NDST3: variants seen among roughly 807,000 people sequenced by gnomAD.
NDST3 encodes the protein bifunctional heparan sulfate N-deacetylase/N-sulfotransferase 3.
NDST3 carries 58 observed loss-of-function variants against 96.1 expected under a neutral mutation model. That is an observed-to-expected ratio of 0.60 (90% CI 0.49 to 0.75). The LOEUF is 0.75. NDST3 is among the 30% of genes least tolerant of loss of function. NDST3 has a pLI of 0.00. For missense variants in NDST3, 788 were observed against 1,034.2 expected, an observed-to-expected ratio of 0.76 and a Z score of 3.27; for synonymous variants, 333 against 359.7, an observed-to-expected ratio of 0.93 and a Z score of 0.84.
intron 8 of NDST3, among the ~76,000 whole-genome samples, chr4:118,232,450 T>C (rs1392011982): frequency 6.6e-6 from 1 of 151,536 alleles, no homozygotes; most frequent in East Asian, 1.9e-4. Context: ...AGCAACACAG[T>C]GAGACCTCAT....
At chr4:118,144,370 C>T (rs1033711759) in intron 6 of NDST3, among the ~76,000 whole-genome samples, 3 of 151,982 alleles carry the variant, frequency 2.0e-5, no homozygotes, top group Admixed American at 1.3e-4. Flanking sequence ...TTAGTGGAGA[C>T]GAGGCTTCAC....
chr4:118,165,749 T>C (rs1268812888), intron 6 of NDST3, among the ~76,000 whole-genome samples: 1 of 151,734 alleles, frequency 6.6e-6, no homozygotes, highest in Admixed American at 6.6e-5. Context: ...TAAAAATCAA[T>C]AGCAGAAGGA....
At chr4:118,193,668 C>T in intron 6 of NDST3, 2 of 1,309,016 alleles carry the variant, frequency 1.5e-6, no homozygotes, top group Non-Finnish European at 2.2e-6. Flanking sequence ...TCAGCCTGTG[C>T]CAGTTCAAAG....
At chr4:118,113,014 G>T (rs946119266) in intron 3 of NDST3, among the ~76,000 whole-genome samples, 12 of 152,040 alleles carry the variant, frequency 7.9e-5, no homozygotes, top group Non-Finnish European at 1.3e-4. Flanking sequence ...AAAACTCAAG[G>T]AGCCATGCAA....
In NDST3 at chr4:118,160,230, C is replaced by G. The variant is rs540695870; in HGVS notation, c.1539+16546C>G. ...GAGGAGATATCTAGCAGAAACCTTT[C>G]AGGACAAAATGGAGAAGGGAGATAT... On this transcript the variant is annotated intron_variant, in intron 6 of 13. Coordinates refer to ENST00000296499, the MANE Select transcript of NDST3 (RefSeq NM_004784.3). 2.0e-5 allele frequency among the ~76,000 whole-genome samples: 3 copies of G among 152,162 alleles called. No homozygotes were observed. The South Asian group carries it at 6.2e-4, about 32-fold the overall frequency.
At chr4:118,093,093 C>T (rs1473278937) in intron 2 of NDST3, among the ~76,000 whole-genome samples, 1 of 151,806 alleles carries the variant, frequency 6.6e-6, no homozygotes, top group African/African-American at 2.4e-5. Context: ...ATGAGAAGGG[C>T]TGTGCGCTGG....
chr4:118,066,667 A>G (rs1484734162), intron 2 of NDST3, among the ~76,000 whole-genome samples: 15 of 1,206 alleles, frequency 0.012, 6 homozygotes, highest in African/African-American at 0.02. Context: ...TATATTATAT[A>G]TACATTATAT....
chr4:118,198,726 G>T, intron 6 of NDST3, among the ~76,000 whole-genome samples: 1 of 109,156 alleles, frequency 9.2e-6, no homozygotes. Flanking sequence ...AGCATTTCTT[G>T]TAAAAAAAAA....
intron 6 of NDST3, among the ~76,000 whole-genome samples, chr4:118,182,284 G>A (rs1034385619): frequency 6.6e-6 from 1 of 152,292 alleles, no homozygotes; most frequent in Non-Finnish European, 1.5e-5. Flanking sequence ...TCATGGGAGG[G>A]AAGGATTAGT....
intron 2 of NDST3, among the ~76,000 whole-genome samples, chr4:118,065,866 T>C (rs1168867808): frequency 6.6e-6 from 1 of 150,752 alleles, no homozygotes; most frequent in Admixed American, 6.7e-5. Flanking sequence ...TTTTCCCCCC[T>C]TCATACATAG....
intron 6 of NDST3, among the ~76,000 whole-genome samples, chr4:118,171,041 T>C (rs1210306512): frequency 2.0e-5 from 3 of 152,168 alleles, no homozygotes; most frequent in Non-Finnish European, 1.5e-5. Flanking sequence ...AAAACCCCCA[T>C]GAGTGTGCTT....
intron 4 of NDST3, among the ~76,000 whole-genome samples, chr4:118,136,095 A>G (rs1474470863): frequency 6.6e-6 from 1 of 152,200 alleles, no homozygotes; most frequent in African/African-American, 2.4e-5. Context: ...TTTGAACAGC[A>G]TAATTTCTTA....
Position 118,258,301 on chromosome 4 carries a change from A to T in NDST3, c.*2589A>T, listed in dbSNP as rs1742233174. Reference sequence around the variant, plus strand: ...TGAAGACAGCATCAAATTCTAGAGGACATGCATACTTTCCACATTATATAC... The same window carrying T: ...TGAAGACAGCATCAAATTCTAGAGGTCATGCATACTTTCCACATTATATAC... On this transcript the variant is annotated 3_prime_UTR_variant, in exon 14 of 14. Coordinates refer to ENST00000296499, the MANE Select transcript of NDST3 (RefSeq NM_004784.3). 6.6e-6 allele frequency: 1 copy of T among 152,238 alleles called. No individual in the cohort carries two copies. The highest frequency in any genetic ancestry group is 2.4e-5 in the African/African-American group (1 of 41,468). 9.4% of individuals were successfully genotyped at this position (152,238 alleles called of 1,614,324 possible). A position where few individuals can be genotyped will look rare whatever the true frequency, so the allele number is the denominator to read the frequency against.
Position 118,054,768 on chromosome 4 carries a change from A to T in NDST3, c.858A>T (p.Ile286=), listed in dbSNP as rs372414209. The part of the protein sequence containing the change: ...LNFWLHKLIF[I]DAISFLSGKR... Reference sequence around the variant, plus strand: ...TTTGGCTGCACAAGCTCATCTTCATAGATGCCATCTCCTTCTTATCAGGGA... The same window carrying T: ...TTTGGCTGCACAAGCTCATCTTCATTGATGCCATCTCCTTCTTATCAGGGA... The change falls in exon 2 of 14, where the codon ATA becomes ATT. Residue 286 remains isoleucine (I), a synonymous_variant. Coordinates refer to ENST00000296499, the MANE Select transcript of NDST3 (RefSeq NM_004784.3). 6.2e-7 allele frequency: 1 copy of T among 1,613,362 alleles called. No homozygotes were observed. Among genetic ancestry groups the T allele is most frequent in the Non-Finnish European group, 8.5e-7 (1 of 1,179,460 alleles).
intron 2 of NDST3, among the ~76,000 whole-genome samples, chr4:118,067,897 T>C (rs771747059): frequency 4.0e-5 from 6 of 151,460 alleles, no homozygotes; most frequent in Non-Finnish European, 7.4e-5. Flanking sequence ...GTTCTACACA[T>C]GTATCCTGGA....
intron 4 of NDST3, among the ~76,000 whole-genome samples, chr4:118,123,145 T>C (rs1289220727): frequency 6.6e-6 from 1 of 152,226 alleles, no homozygotes; most frequent in East Asian, 1.9e-4. Flanking sequence ...ATAGGATTTA[T>C]GTAGTTTCTT....
chr4:118,068,166 CTTTTTT>C (rs34891564), intron 2 of NDST3, among the ~76,000 whole-genome samples: 10 of 84,334 alleles, frequency 1.2e-4, no homozygotes, highest in South Asian at 5.1e-4. Flanking sequence ...TACTTGATCT[CTTTTTT>C]TTTTTTTTTT....
intron 2 of NDST3, among the ~76,000 whole-genome samples, chr4:118,102,139 AT>A (rs1392521180): frequency 6.6e-6 from 1 of 152,084 alleles, no homozygotes; most frequent in Non-Finnish European, 1.5e-5. Context: ...GATTTTAATT[AT>A]TTTTAATTAG....
At chr4:118,168,932 T>C (rs1267093434) in intron 6 of NDST3, among the ~76,000 whole-genome samples, 1 of 152,136 alleles carries the variant, frequency 6.6e-6, no homozygotes, top group Admixed American at 6.5e-5. Flanking sequence ...GTCGAACTCA[T>C]AAAAGCAGAT....
Sources: gnomAD v4.1 joint callset for allele counts (sites outside exome capture counted in the v4.1 genomes callset) on GRCh38, gnomAD v4.1.1 for gene constraint, MANE v1.5 for transcripts, NCBI Gene and HGNC (gene_info 2026-07-23, HGNC 2026-07-21) for gene names.